The following LDOC1 variants were observed in gnomAD, a reference collection of about 807,000 sequenced individuals.
The protein encoded by LDOC1 is protein LDOC1.
A neutral mutation model predicts 4.9 loss-of-function variants in LDOC1; 1 was observed. The ratio of observed to expected loss-of-function variants is 0.20; its 90% confidence interval spans 0.07 to 0.96. The LOEUF (loss-of-function observed/expected upper bound fraction) is 0.96, where lower values mean the gene tolerates loss of function less well. Ranked by LOEUF, LDOC1 falls within the 40% of genes least tolerant of loss-of-function variation. LDOC1 has a pLI of 0.62. For missense variants in LDOC1, 76 were observed against 128.1 expected (o/e 0.59, Z 1.96); for synonymous variants, 55 against 58.3 (o/e 0.94, Z 0.26).
In LDOC1 at chrX:141,174,224, C is replaced by A. The variant is rs782599194; in HGVS notation, c.*2357G>T. On this transcript the variant is annotated 3_prime_UTR_variant, in exon 1 of 1. Transcript: ENST00000370526. ...GACTGGGAGAAGTGATCAATGAATT[C>A]TAAATAACCAGCTGTCTCCTTGATT... Among the ~76,000 whole-genome samples the A allele has an allele frequency of 9.0e-6, 1 of 111,366 alleles. No individual in the cohort carries two copies. The highest frequency in any genetic ancestry group is 1.9e-5 in the Non-Finnish European group (1 of 53,095).
At position 141,174,890 on chromosome X, in the gene LDOC1, C is replaced by T. The variant is rs1379325246; in HGVS notation, c.*1691G>A. Among the ~76,000 whole-genome samples the T allele has an allele frequency of 8.9e-6, 1 of 111,790 alleles. No homozygotes were observed. The highest frequency in any genetic ancestry group is 3.2e-5 in the African/African-American group (1 of 30,771). ...GAGAACTCTGAACCCCTCATATCCTCCTAAACCTTTCTAAGAGGCAGTCCT... is the reference window on the plus strand; with the variant it reads ...GAGAACTCTGAACCCCTCATATCCTTCTAAACCTTTCTAAGAGGCAGTCCT... On this transcript the variant is annotated 3_prime_UTR_variant, in exon 1 of 1. Transcript: ENST00000370526.
rs1200555357 is a variant in LDOC1, at chrX:141,174,983, C to T, written c.*1598G>A. On this transcript the variant is annotated 3_prime_UTR_variant, in exon 1 of 1. Transcript: ENST00000370526. Reference sequence around the variant, plus strand: ...GACTTAACCTGGAGCAATGGCCTCACACAGGTATGCAGCTTCTTCTCAGCA... The same window carrying T: ...GACTTAACCTGGAGCAATGGCCTCATACAGGTATGCAGCTTCTTCTCAGCA... Among the ~76,000 whole-genome samples, 1 of 111,595 alleles carries T rather than the reference C, an allele frequency of 9.0e-6. No homozygotes were observed. Among genetic ancestry groups the T allele is most frequent in the East Asian group, 2.8e-4 (1 of 3,540 alleles).
At position 141,174,852 on chromosome X, in the gene LDOC1, G is replaced by T. The variant is rs189153593; in HGVS notation, c.*1729C>A. ...AGACATGGTACAATGAGGACATCTG[G>T]ACAGATATAAAAGAGAACTCTGAAC... On this transcript the variant is annotated 3_prime_UTR_variant, in exon 1 of 1. Transcript: ENST00000370526. Among the ~76,000 whole-genome samples, 1 of 111,923 alleles carries T rather than the reference G, an allele frequency of 8.9e-6. No homozygotes were observed. The highest frequency in any genetic ancestry group is 3.2e-5 in the African/African-American group (1 of 30,778).
In LDOC1 at chrX:141,173,857, C is replaced by G. The variant is rs1349261008; in HGVS notation, c.*2724G>C. On this transcript the variant is annotated 3_prime_UTR_variant, in exon 1 of 1. Coordinates refer to ENST00000370526, the MANE Select transcript of LDOC1 (RefSeq NM_012317.4). The stretch of plus-strand genomic sequence containing the variant: ...AGGTCATTCCCAGATCTAATCACAG[C>G]CCAGATTCTCTTCCTGGCCCTTTCC... Among the ~76,000 whole-genome samples, 2 of 111,926 alleles carry G rather than the reference C, an allele frequency of 1.8e-5. No individual in the cohort carries two copies. Among genetic ancestry groups the G allele is most frequent in the Non-Finnish European group, 3.8e-5 (2 of 53,260 alleles).
Position 141,173,786 on chromosome X carries a change from C to T in LDOC1, c.*2795G>A, listed in dbSNP as rs1349040962. Among the ~76,000 whole-genome samples the T allele has an allele frequency of 8.9e-6, 1 of 111,884 alleles. No homozygotes were observed. Among genetic ancestry groups the T allele is most frequent in the Non-Finnish European group, 1.9e-5 (1 of 53,183 alleles). On this transcript the variant is annotated 3_prime_UTR_variant, in exon 1 of 1. Transcript: ENST00000370526. ...ATGGCATCCTTACTGAACCTCCCTT[C>T]CTCCACAGAACACCTACTCATATGT...
rs781889205 is a variant in LDOC1, at chrX:141,176,574, C to G, written c.*7G>C. 3 of 1,199,892 alleles carry G rather than the reference C, an allele frequency of 2.5e-6. No individual in the cohort carries two copies. Among genetic ancestry groups the G allele is most frequent in the Non-Finnish European group, 3.4e-6 (3 of 888,026 alleles). On this transcript the variant is annotated 3_prime_UTR_variant, in exon 1 of 1. Transcript: ENST00000370526. ...GCCCTCCCCCCCGAGGCCCGAGGGT[C>G]GAGGGCCTAATAATCATCCTCCTCT... is the stretch of plus-strand genomic sequence containing the variant.
At position 141,177,129 on chromosome X, in the gene LDOC1, C is replaced by G; in HGVS notation, c.-108G>C. 442 of 557,917 alleles carry G rather than the reference C, an allele frequency of 7.9e-4. No individual in the cohort carries two copies. The highest frequency in any genetic ancestry group is 3.8e-3 in the Admixed American group (32 of 8,442). 46.0% of individuals were successfully genotyped at this position (557,917 alleles called of 1,213,427 possible). Reference sequence around the variant, plus strand: ...CACGGAGGCGCTTGGTGGCCAGGGGCGGGGGGCGGGGGGCGGTGTGCGCCG... The same window carrying G: ...CACGGAGGCGCTTGGTGGCCAGGGGGGGGGGGCGGGGGGCGGTGTGCGCCG... On this transcript the variant is annotated 5_prime_UTR_variant, in exon 1 of 1. Coordinates refer to ENST00000370526, the MANE Select transcript of LDOC1 (RefSeq NM_012317.4).
rs782413542 is a variant in LDOC1, at chrX:141,176,622, C to T, written c.400G>A (p.Asp134Asn). 1.2e-5 allele frequency: 14 copies of T among 1,209,362 alleles called. No homozygotes were observed. The highest frequency in any genetic ancestry group is 2.2e-5 in the Admixed American group (1 of 45,841). ...TCTTCTTCGTCGTCGTCGTCTTCGT[C>T]GTCATCCCAGCCAAAGCACTGTTTC... is the stretch of plus-strand genomic sequence containing the variant. The part of the protein sequence containing the change: ...EMKQCFGWDD[D>N]EDDDDEEEED... The change falls in exon 1 of 1, where the codon GAC becomes AAC. Residue 134 changes from aspartate (D) to asparagine (N), a missense_variant. Transcript: ENST00000370526.
rs2148478864 is a variant in LDOC1, at chrX:141,174,395, T to G, written c.*2186A>C. ...GTGAGATATAACTCCTACCCTGAAC[T>G]TTGCCTGTCCACCACGTAAAACAGC... On this transcript the variant is annotated 3_prime_UTR_variant, in exon 1 of 1. Transcript: ENST00000370526. Among the ~76,000 whole-genome samples, 1 of 111,735 alleles carries G rather than the reference T, an allele frequency of 8.9e-6. No homozygotes were observed. The highest frequency in any genetic ancestry group is 2.8e-4 in the East Asian group (1 of 3,526).
rs1344264016 is a variant in LDOC1 at position 141,175,531 on chromosome X, G to C, written c.*1050C>G. Among the ~76,000 whole-genome samples the C allele has an allele frequency of 8.9e-6, 1 of 112,160 alleles. No individual in the cohort carries two copies. Among genetic ancestry groups the C allele is most frequent in the African/African-American group, 3.2e-5 (1 of 30,794 alleles). ...TAACCACGCCACCCTGGAGGACCCA[G>C]AGAACACACCCTTTGCCAGGGCTTT... On this transcript the variant is annotated 3_prime_UTR_variant, in exon 1 of 1. Coordinates refer to ENST00000370526, the MANE Select transcript of LDOC1 (RefSeq NM_012317.4).
chrX:141,175,016 C>A lies in LDOC1; in HGVS notation c.*1565G>T, dbSNP rs782587538. ...TGCAGCTTCTTCTCAGCAGCCACCC[C>A]CTTCACTGCTCTGAACCCTCCAGGC... On this transcript the variant is annotated 3_prime_UTR_variant, in exon 1 of 1. Coordinates refer to ENST00000370526, the MANE Select transcript of LDOC1 (RefSeq NM_012317.4). Among the ~76,000 whole-genome samples, 6 of 111,372 alleles carry A rather than the reference C, an allele frequency of 5.4e-5. No individual in the cohort carries two copies. The highest frequency in any genetic ancestry group is 9.4e-5 in the Non-Finnish European group (5 of 53,082).
At position 141,176,053 on chromosome X, in the gene LDOC1, G is replaced by A. The variant is rs2013611441; in HGVS notation, c.*528C>T. The A allele has an allele frequency of 8.3e-6, 1 of 121,061 alleles. No homozygotes were observed. Among genetic ancestry groups the A allele is most frequent in the Non-Finnish European group, 1.7e-5 (1 of 57,851 alleles). The allele number at this position is 121,061 out of a possible 1,213,427, so 10.0% of individuals were successfully genotyped here. On this transcript the variant is annotated 3_prime_UTR_variant, in exon 1 of 1. Coordinates refer to ENST00000370526, the MANE Select transcript of LDOC1 (RefSeq NM_012317.4). ...AGGCTGAACGGCCCCTTCAGGGGTTGGTGAGCTGTCCAAATCAATGTCTGA... is the reference window on the plus strand; with the variant it reads ...AGGCTGAACGGCCCCTTCAGGGGTTAGTGAGCTGTCCAAATCAATGTCTGA...
rs2013613185 is a variant in LDOC1, at chrX:141,176,238, G to A, written c.*343C>T. 1.7e-5 allele frequency: 5 copies of A among 285,870 alleles called. No individual in the cohort carries two copies. Among genetic ancestry groups the A allele is most frequent in the Non-Finnish European group, 3.1e-5 (5 of 160,332 alleles). The allele number at this position is 285,870 out of a possible 1,213,427, so 23.6% of individuals were successfully genotyped here. On this transcript the variant is annotated 3_prime_UTR_variant, in exon 1 of 1. Coordinates refer to ENST00000370526, the MANE Select transcript of LDOC1 (RefSeq NM_012317.4). ...AGGTGGCAGCAGCAGGGCTACGGGT[G>A]GTCTGCGCAGTTTGTAACAGGGGCC... is the stretch of plus-strand genomic sequence containing the variant.
Position 141,173,511 on chromosome X carries a change from C to T in LDOC1, c.*3070G>A, listed in dbSNP as rs978552681. ...CCTCCCTGGGTGGTGGAGCCCTTGCCAGTATCTGCGCTTTTATTGCAGAAT... is the reference window on the plus strand; with the variant it reads ...CCTCCCTGGGTGGTGGAGCCCTTGCTAGTATCTGCGCTTTTATTGCAGAAT... On this transcript the variant is annotated 3_prime_UTR_variant, in exon 1 of 1. Coordinates refer to ENST00000370526, the MANE Select transcript of LDOC1 (RefSeq NM_012317.4). 6.3e-5 allele frequency: 7 copies of T among 111,395 alleles called. No homozygotes were observed. 9.2% of individuals were successfully genotyped at this position (111,395 alleles called of 1,213,427 possible).
rs2013612217 is a variant in LDOC1, at chrX:141,176,113, G to C, written c.*468C>G. On this transcript the variant is annotated 3_prime_UTR_variant, in exon 1 of 1. Transcript: ENST00000370526. ...GCCAACTCTGGCATTTTCCAGGTTG[G>C]TCCTGATCTCGAAAGGTGGTAGTCT... 1 of 138,380 alleles carries C rather than the reference G, an allele frequency of 7.2e-6. No homozygotes were observed. The highest frequency in any genetic ancestry group is 3.1e-5 in the African/African-American group (1 of 32,055). 11.4% of individuals were successfully genotyped at this position (138,380 alleles called of 1,213,427 possible). A position where few individuals can be genotyped will look rare whatever the true frequency, so the allele number is the denominator to read the frequency against.
Position 141,175,198 on chromosome X carries a change from T to A in LDOC1, c.*1383A>T, listed in dbSNP as rs2013603089. ...AAGGAGAACGAAATGTTTGTTAAGA[T>A]CAGGCTATATCTTTATGGGTGCACT... On this transcript the variant is annotated 3_prime_UTR_variant, in exon 1 of 1. Transcript: ENST00000370526. Among the ~76,000 whole-genome samples the A allele has an allele frequency of 8.9e-6, 1 of 112,169 alleles. No homozygotes were observed. The highest frequency in any genetic ancestry group is 3.2e-5 in the African/African-American group (1 of 30,831).
rs782004362 is a variant in LDOC1, at chrX:141,176,596, CTCT to C, written c.423_425del (p.Glu143del). On this transcript the variant is annotated inframe_deletion, in exon 1 of 1. Coordinates refer to ENST00000370526, the MANE Select transcript of LDOC1 (RefSeq NM_012317.4). ...GGTCGAGGGCCTAATAATCATCCTC[CTCT>C]TCTTCGTCGTCGTCGTCTTCGTCGT... 19 of 1,207,998 alleles carry C rather than the reference CTCT, an allele frequency of 1.6e-5. No individual in the cohort carries two copies. The highest frequency in any genetic ancestry group is 4.6e-4 in the Middle Eastern group (2 of 4,349).
At position 141,176,443 on chromosome X, in the gene LDOC1, A is replaced by C. The variant is rs185089647; in HGVS notation, c.*138T>G. On this transcript the variant is annotated 3_prime_UTR_variant, in exon 1 of 1. Transcript: ENST00000370526. The stretch of plus-strand genomic sequence containing the variant: ...AGACAAGCACTACGGAGAAATGAAG[A>C]GAGAGAGCAGACGGGCGCGGGTAGG... The C allele has an allele frequency of 1.9e-5, 14 of 735,963 alleles. No homozygotes were observed. In the East Asian group the frequency reaches 4.9e-4, roughly 26 times the overall value. 60.7% of individuals were successfully genotyped at this position (735,963 alleles called of 1,213,427 possible). A position where few individuals can be genotyped will look rare whatever the true frequency, so the allele number is the denominator to read the frequency against.
rs782306719 is a variant in LDOC1 at position 141,175,205 on chromosome X, A to AT, written c.*1375dup. 1.8e-5 allele frequency among the ~76,000 whole-genome samples: 2 copies of AT among 112,271 alleles called. No homozygotes were observed. The highest frequency in any genetic ancestry group is 3.8e-5 in the Non-Finnish European group (2 of 53,277). On this transcript the variant is annotated 3_prime_UTR_variant, in exon 1 of 1. Coordinates refer to ENST00000370526, the MANE Select transcript of LDOC1 (RefSeq NM_012317.4). ...ACGAAATGTTTGTTAAGATCAGGCTATATCTTTATGGGTGCACTTGCCCAG... is the reference window on the plus strand; with the variant it reads ...ACGAAATGTTTGTTAAGATCAGGCTATTATCTTTATGGGTGCACTTGCCCAG...
Sources: allele counts gnomAD v4.1 joint callset (sites outside exome capture counted in the v4.1 genomes callset), GRCh38; gene constraint gnomAD v4.1.1; transcripts MANE v1.5; gene names NCBI Gene and HGNC (gene_info 2026-07-23, HGNC 2026-07-21).